The following CNPY1 variants were observed in gnomAD, a reference collection of about 807,000 sequenced individuals.
CNPY1 encodes the protein canopy FGF signaling regulator 1, also known as protein canopy homolog 1.
CNPY1 carries 14 observed loss-of-function variants against 14.4 expected under a neutral mutation model. The ratio of observed to expected loss-of-function variants is 0.97; its 90% confidence interval spans 0.64 to 1.52. The LOEUF is 1.52. CNPY1 is among the 40% of genes most tolerant of loss of function. The pLI, the probability that CNPY1 is intolerant of heterozygous loss-of-function variation, is 0.00. For synonymous variants in CNPY1, 43 were observed against 46.5 expected, an observed-to-expected ratio of 0.92 and a Z score of 0.31; for missense variants, 129 against 131.5, an observed-to-expected ratio of 0.98 and a Z score of 0.09.
At chr7:155,518,278 A>G in intron 2 of CNPY1, 1 of 157,860 alleles carries the variant, frequency 6.3e-6, no homozygotes, top group Non-Finnish European at 1.4e-5. Flanking sequence ...CTAGTTTAGG[A>G]AGATGAGGAG....
intron 4 of CNPY1, 84 bp downstream of exon 4, chr7:155,506,936 C>T (rs887753199): frequency 1.4e-5 from 12 of 877,080 alleles, no homozygotes; most frequent in African/African-American, 5.0e-5. Flanking sequence ...CAGCGAGGCT[C>T]GGTCTGCAAA....
At chr7:155,515,309 G>GCA (rs1491055738) in intron 2 of CNPY1, among the ~76,000 whole-genome samples, 8 of 101,042 alleles carry the variant, frequency 7.9e-5, no homozygotes, top group East Asian at 5.6e-4. Context: ...CCCCCCCCCC[G>GCA]GCCCCGGCCA....
intron 2 of CNPY1, among the ~76,000 whole-genome samples, chr7:155,527,537 G>A (rs1008112399): frequency 4.7e-5 from 7 of 148,132 alleles, no homozygotes; most frequent in Non-Finnish European, 8.9e-5. Flanking sequence ...GTCCTCTTGG[G>A]CTTAGATGAT....
intron 1 of CNPY1, among the ~76,000 whole-genome samples, chr7:155,546,161 A>G (rs942840795): frequency 6.6e-6 from 1 of 151,282 alleles, no homozygotes; most frequent in Non-Finnish European, 1.5e-5. Context: ...TTTCAAAACC[A>G]TATACAATTT....
At chr7:155,537,585 C>T (rs1585335302) in intron 2 of CNPY1, among the ~76,000 whole-genome samples, 1 of 151,842 alleles carries the variant, frequency 6.6e-6, no homozygotes, top group Admixed American at 6.6e-5. Context: ...CATCACACCC[C>T]GCTAATTTTT....
intron 2 of CNPY1, among the ~76,000 whole-genome samples, chr7:155,542,339 G>C (rs1170085880): frequency 3.9e-5 from 6 of 152,144 alleles, no homozygotes; most frequent in African/African-American, 1.4e-4. Context: ...TCCAAGGAGT[G>C]ACCCCCCAAC....
chr7:155,508,759 C>T, intron 3 of CNPY1, 135 bp downstream of exon 3: 1 of 963,210 alleles, frequency 1.0e-6, no homozygotes. Flanking sequence ...ACAAAGTCAG[C>T]AGATGACATT....
intron 2 of CNPY1, among the ~76,000 whole-genome samples, chr7:155,513,370 C>T (rs1454745844): frequency 6.6e-6 from 1 of 152,070 alleles, no homozygotes; most frequent in Non-Finnish European, 1.5e-5. Flanking sequence ...TTCCAGCCAC[C>T]GTAAACTCCA....
intron 2 of CNPY1, among the ~76,000 whole-genome samples, chr7:155,528,426 C>T (rs1231815243): frequency 1.3e-5 from 2 of 152,266 alleles, no homozygotes; most frequent in African/African-American, 4.8e-5. Context: ...GCTTCCTTCT[C>T]TGTCCCAGGT....
chr7:155,531,618 A>G (rs77068910), intron 2 of CNPY1, among the ~76,000 whole-genome samples: 9,199 of 152,182 alleles, frequency 0.06, 933 homozygotes, highest in African/African-American at 0.21. Context: ...ACAGAGACAC[A>G]GCCAGCGTTC....
intron 2 of CNPY1, among the ~76,000 whole-genome samples, chr7:155,528,910 A>T (rs1313608564): frequency 6.6e-6 from 1 of 152,098 alleles, no homozygotes; most frequent in Non-Finnish European, 1.5e-5. Flanking sequence ...AATACAAAAA[A>T]ATTAGCCAGG....
In CNPY1 at chr7:155,537,796, T is replaced by C. The variant is rs146181808; in HGVS notation, c.99+8035A>G. On this transcript the variant is annotated intron_variant, in intron 2 of 4. Coordinates refer to ENST00000636446, the MANE Select transcript of CNPY1 (RefSeq NM_001393663.1). The stretch of plus-strand genomic sequence containing the variant: ...TGTTCCATCTTCTTAAGAACAATGC[T>C]ACTTTTTAGAATAGGAATTTCTACA... Among the ~76,000 whole-genome samples, 188 of 152,342 alleles carry C rather than the reference T, an allele frequency of 1.2e-3. 1 individual carries two copies. Among genetic ancestry groups the C allele is most frequent in the African/African-American group, 4.4e-3 (181 of 41,572 alleles).
intron 2 of CNPY1, among the ~76,000 whole-genome samples, chr7:155,521,749 G>A (rs748766542): frequency 6.6e-6 from 1 of 152,170 alleles, no homozygotes; most frequent in Admixed American, 6.5e-5. Context: ...ACACAGCTGC[G>A]CCCACATTTG....
rs139679288 is a variant in CNPY1, at chr7:155,519,482, T to C, written c.100-10385A>G. On this transcript the variant is annotated intron_variant, in intron 2 of 4. Transcript: ENST00000636446. ...GCTGTGGTGGACCGACATCGCACCA[T>C]TGCACTCCAGCCTGGGTGATGGAGC... Among the ~76,000 whole-genome samples the C allele has an allele frequency of 1.8e-3, 273 of 150,678 alleles. 3 individuals carry two copies. The highest frequency in any genetic ancestry group is 6.3e-3 in the African/African-American group (259 of 40,852).
intron 2 of CNPY1, among the ~76,000 whole-genome samples, chr7:155,522,305 T>C (rs1796741540): frequency 6.6e-6 from 1 of 152,200 alleles, no homozygotes; most frequent in East Asian, 1.9e-4. Flanking sequence ...CACTTCAAAG[T>C]GGGGGAGGCC....
intron 2 of CNPY1, among the ~76,000 whole-genome samples, chr7:155,513,054 T>C (rs900416321): frequency 3.9e-5 from 6 of 152,216 alleles, no homozygotes; most frequent in African/African-American, 1.4e-4. Flanking sequence ...AGGGGAAGCA[T>C]GAATTCAGAA....
In CNPY1 at chr7:155,507,116, A is replaced by C; in HGVS notation, c.304T>G (p.Cys102Gly). 1 of 1,577,144 alleles carries C rather than the reference A, an allele frequency of 6.3e-7. No individual in the cohort carries two copies. Among genetic ancestry groups the C allele is most frequent in the Non-Finnish European group, 8.7e-7 (1 of 1,147,980 alleles). ...TCATACTCTTCTATTATAGTTTCACACTGTAGAAACATAATAACAACATAT... is the reference window on the plus strand; with the variant it reads ...TCATACTCTTCTATTATAGTTTCACCCTGTAGAAACATAATAACAACATAT... ...SDAYRPLKFA[C>G]ETIIEEYEDE... is the part of the protein sequence containing the mutation. Residue 102 changes from cysteine (C) to glycine (G), a missense_variant and splice_region_variant, in exon 4 of 5, where the codon TGT (cysteine) becomes GGT (glycine). By Grantham distance (159) the Cys-to-Gly change is radical. Transcript: ENST00000636446.
intron 2 of CNPY1, among the ~76,000 whole-genome samples, chr7:155,524,103 G>A (rs957251784): frequency 8.5e-5 from 13 of 152,332 alleles, no homozygotes; most frequent in South Asian, 8.3e-4. Flanking sequence ...TCATTTCTGC[G>A]TAAGACATCT....
intron 2 of CNPY1, among the ~76,000 whole-genome samples, chr7:155,530,819 G>A (rs563336293): frequency 2.8e-4 from 42 of 152,298 alleles, no homozygotes; most frequent in Non-Finnish European, 2.2e-4. Context: ...GCTGAGCAGC[G>A]TCCCTGGCCT....
Sources: gnomAD v4.1 joint callset for allele counts (sites outside exome capture counted in the v4.1 genomes callset) on GRCh38, gnomAD v4.1.1 for gene constraint, MANE v1.5 for transcripts, NCBI Gene and HGNC (gene_info 2026-07-23, HGNC 2026-07-21) for gene names.